The following CPSF3 variants were observed in gnomAD, a reference collection of about 807,000 sequenced individuals.
The protein encoded by CPSF3 is cleavage and polyadenylation specific factor 3.
CPSF3 carries 57 observed loss-of-function variants against 84.1 expected under a neutral mutation model. The observed-to-expected ratio is 0.68, with a 90% CI of 0.55 to 0.85. The LOEUF is 0.85. Ranked by LOEUF, CPSF3 falls within the 40% of genes least tolerant of loss-of-function variation. The pLI is 0.00. For synonymous variants in CPSF3, 275 were observed against 278.1 expected (o/e 0.99, Z 0.11); for missense variants, 522 against 838.8 (o/e 0.62, Z 4.66).
chr2:9,436,795 T>TAATAATAATAATAAC (rs1414633732), intron 7 of CPSF3, among the ~76,000 whole-genome samples: 3 of 150,082 alleles, frequency 2.0e-5, no homozygotes, highest in African/African-American at 7.3e-5. Context: ...ATAATAATAA[T>TAATAATAATAATAAC]AGGGATTTGG....
chr2:9,447,321 A>AT (rs1327860056), intron 10 of CPSF3, among the ~76,000 whole-genome samples: 1 of 152,036 alleles, frequency 6.6e-6, no homozygotes, highest in African/African-American at 2.4e-5. Flanking sequence ...TCTACAAAAA[A>AT]TACAAATATT....
At chr2:9,428,929 T>C in intron 2 of CPSF3, 101 bp downstream of exon 2, 1 of 706,520 alleles carries the variant, frequency 1.4e-6, no homozygotes, top group Non-Finnish European at 2.5e-6. Context: ...CCCAGAAAAA[T>C]GTTATAGTAC....
chr2:9,424,403 A>T (rs1680264489), intron 1 of CPSF3: 3 of 327,050 alleles, frequency 9.2e-6, no homozygotes. Context: ...ACAAAAACTC[A>T]GCCCTCGACT....
chr2:9,454,577 C>G (rs1170376402), intron 12 of CPSF3, among the ~76,000 whole-genome samples: 2 of 125,654 alleles, frequency 1.6e-5, no homozygotes, highest in African/African-American at 3.1e-5. Context: ...GAGTCTCACT[C>G]TGTCTCCCAG....
At chr2:9,467,903 C>A in intron 16 of CPSF3, 127 bp downstream of exon 16, 1 of 687,140 alleles carries the variant, frequency 1.5e-6, no homozygotes, top group Non-Finnish European at 2.5e-6. Context: ...GCTCGGAGGC[C>A]TGCTTCTCTG....
intron 15 of CPSF3, among the ~76,000 whole-genome samples, chr2:9,466,247 C>T (rs1185484634): frequency 5.8e-5 from 6 of 102,854 alleles, no homozygotes; most frequent in South Asian, 2.6e-4. Flanking sequence ...CGCGCACGCA[C>T]GCGCACACAC....
chr2:9,441,431 A>G (rs1335518487), intron 8 of CPSF3, among the ~76,000 whole-genome samples: 1 of 152,264 alleles, frequency 6.6e-6, no homozygotes, highest in Non-Finnish European at 1.5e-5. Context: ...TGCATGGAGC[A>G]TGCAAAGCTA....
chr2:9,463,222 G>A (rs566834161), intron 15 of CPSF3, among the ~76,000 whole-genome samples: 2 of 152,332 alleles, frequency 1.3e-5, no homozygotes, highest in South Asian at 4.1e-4. Context: ...ATGAGGCTAT[G>A]CTGCAGAGCT....
At chr2:9,429,290 G>A (rs1241135336) in intron 2 of CPSF3, among the ~76,000 whole-genome samples, 5 of 152,250 alleles carry the variant, frequency 3.3e-5, no homozygotes, top group Non-Finnish European at 2.9e-5. Flanking sequence ...AGGTAGAGGG[G>A]TTAGAGGAGA....
chr2:9,451,676 T>C (rs1681333074), intron 11 of CPSF3, among the ~76,000 whole-genome samples: 1 of 151,072 alleles, frequency 6.6e-6, no homozygotes, highest in Admixed American at 6.6e-5. Flanking sequence ...CCAGCCTGGG[T>C]GACAGAGCAA....
In CPSF3 at chr2:9,471,428, T is replaced by G. The variant is rs778465263; in HGVS notation, c.1942T>G (p.Leu648Val). The part of the protein sequence containing the change: ...TVDGKTANLN[L>V]ETRTVECEEG... The stretch of plus-strand genomic sequence containing the variant: ...GGACGGGAAAACTGCCAACCTTAAC[T>G]TGGAGACACGGGTATGTAGCTGCTC... The change falls in exon 17 of 18, where the codon TTG becomes GTG. Residue 648 changes from leucine to valine, a missense_variant. Around this residue, in one of 2 missense-constraint regions of CPSF3, gnomAD observed 193 missense variants for 231.6 expected, o/e 0.83. Transcript: ENST00000238112. 6.2e-7 allele frequency: 1 copy of G among 1,600,178 alleles called. No homozygotes were observed. The highest frequency in any genetic ancestry group is 8.6e-7 in the Non-Finnish European group (1 of 1,167,366).
At chr2:9,443,804 T>G in intron 10 of CPSF3, 143 bp downstream of exon 10, 1 of 842,974 alleles carries the variant, frequency 1.2e-6, no homozygotes, top group Non-Finnish European at 1.8e-6. Context: ...TGCACTCGGA[T>G]TTGGCCTTTA....
At chr2:9,448,916 T>C (rs577858975) in intron 11 of CPSF3, among the ~76,000 whole-genome samples, 1 of 152,292 alleles carries the variant, frequency 6.6e-6, no homozygotes, top group East Asian at 1.9e-4. Context: ...CACTTGCTTT[T>C]CCTACCCACA....
chr2:9,464,823 C>A (rs1279377814), intron 15 of CPSF3, among the ~76,000 whole-genome samples: 1 of 152,022 alleles, frequency 6.6e-6, no homozygotes, highest in African/African-American at 2.4e-5. Context: ...AATGCCTGAG[C>A]TCAAGAGATC....
At chr2:9,433,982 T>C in intron 6 of CPSF3, 22 bp downstream of exon 6, 1 of 1,303,426 alleles carries the variant, frequency 7.7e-7, no homozygotes, top group Non-Finnish European at 1.1e-6. Context: ...TATACTATAT[T>C]GTAATCAATG....
Position 9,471,361 on chromosome 2 carries a change from C to T in CPSF3, c.1875C>T (p.Asp625=). 1.9e-6 allele frequency: 3 copies of T among 1,609,938 alleles called. No individual in the cohort carries two copies. The highest frequency in any genetic ancestry group is 2.6e-6 in the Non-Finnish European group (3 of 1,176,262). The change falls in exon 17 of 18, where the codon GAC becomes GAT. Residue 625 remains aspartate, a synonymous_variant. Transcript: ENST00000238112. ...EIMLQDIFGE[D]CVSVKDDSIL... Reference sequence around the variant, plus strand: ...TTTTCAGGGACATATTTGGAGAAGACTGTGTAAGTGTAAAGGATGACTCTA... The same window carrying T: ...TTTTCAGGGACATATTTGGAGAAGATTGTGTAAGTGTAAAGGATGACTCTA...
chr2:9,430,827 T>C lies in CPSF3; in HGVS notation c.288T>C (p.Thr96=). 1 of 1,613,126 alleles carries C rather than the reference T, an allele frequency of 6.2e-7. No individual in the cohort carries two copies. The highest frequency in any genetic ancestry group is 8.5e-7 in the Non-Finnish European group (1 of 1,179,082). Residue 96 remains threonine (T), a synonymous_variant, in exon 4 of 18, where the codon ACT becomes ACC. Transcript: ENST00000238112. The part of the protein sequence containing the change: ...KTSFKGRTFM[T]HATKAIYRWL... The stretch of plus-strand genomic sequence containing the variant: ...GTTTCAAAGGAAGAACATTTATGAC[T>C]CATGCCACAAAAGCTATTTATAGAT...
chr2:9,472,051 C>A (rs1169493048), intron 17 of CPSF3, among the ~76,000 whole-genome samples: 6 of 146,452 alleles, frequency 4.1e-5, no homozygotes, highest in African/African-American at 1.5e-4. Flanking sequence ...TGGTGGTTCA[C>A]GCCTGTAATC....
intron 10 of CPSF3, among the ~76,000 whole-genome samples, chr2:9,444,158 A>ATATATATATTT (rs1216393477): frequency 8.1e-6 from 1 of 123,178 alleles, no homozygotes; most frequent in Non-Finnish European, 1.6e-5. Context: ...ATATATATAT[A>ATATATATATTT]TTTTTTTTTT....
Sources: gnomAD v4.1 joint callset for allele counts (sites outside exome capture counted in the v4.1 genomes callset) on GRCh38, gnomAD v4.1.1 for gene constraint, gnomAD v4.1.1 regional missense constraint, MANE v1.5 for transcripts, NCBI Gene and HGNC (gene_info 2026-07-23, HGNC 2026-07-21) for gene names.